CNOT2: variants seen among roughly 807,000 people sequenced by gnomAD.
CNOT2 encodes the protein CC chemokine receptor 4-negative regulator of transcription 2.
Under a neutral mutation model 72.1 loss-of-function variants are expected in CNOT2, and 7 were observed. The ratio of observed to expected loss-of-function variants is 0.10; its 90% CI spans 0.06 to 0.18. The LOEUF is 0.18. Among genes scored for constraint, CNOT2 ranks in the 10% least tolerant of loss-of-function variants. The pLI is 1.00. For synonymous variants in CNOT2, 196 were observed against 225.6 expected, an observed-to-expected ratio of 0.87 and a Z score of 1.17; for missense variants, 345 against 660.3, an observed-to-expected ratio of 0.52 and a Z score of 5.23.
intron 11 of CNOT2, among the ~76,000 whole-genome samples, chr12:70,340,167 C>T (rs1008956394): frequency 6.6e-6 from 1 of 152,178 alleles, no homozygotes; most frequent in Admixed American, 6.5e-5. Flanking sequence ...GTCCCTGCCA[C>T]TTCACTAAAG....
chr12:70,250,432 A>G (rs1378051129), intron 1 of CNOT2, among the ~76,000 whole-genome samples: 1 of 152,120 alleles, frequency 6.6e-6, no homozygotes, highest in Non-Finnish European at 1.5e-5. Context: ...TAAATCCTTT[A>G]GTAATATGAG....
chr12:70,266,512 T>A (rs11837952), intron 1 of CNOT2, among the ~76,000 whole-genome samples: 1 of 152,106 alleles, frequency 6.6e-6, no homozygotes, highest in African/African-American at 2.4e-5. Context: ...TTTTGTTTAC[T>A]TGCTTTATAA....
At chr12:70,260,746 TATA>T (rs1422920700) in intron 1 of CNOT2, among the ~76,000 whole-genome samples, 1 of 152,158 alleles carries the variant, frequency 6.6e-6, no homozygotes, top group Non-Finnish European at 1.5e-5. Flanking sequence ...TTTATGTGTT[TATA>T]ATAATCTTTT....
At chr12:70,312,687 C>T (rs1876672672) in intron 3 of CNOT2, among the ~76,000 whole-genome samples, 1 of 151,862 alleles carries the variant, frequency 6.6e-6, no homozygotes, top group Non-Finnish European at 1.5e-5. Flanking sequence ...AACTTGGACT[C>T]TAAAGCAATA....
chr12:70,284,410 A>G (rs139734669), intron 2 of CNOT2, among the ~76,000 whole-genome samples: 5 of 150,328 alleles, frequency 3.3e-5, no homozygotes, highest in African/African-American at 7.4e-5. Flanking sequence ...ACATCCGACT[A>G]ATTTTTGTAT....
chr12:70,332,494 T>G (rs1880107970), intron 6 of CNOT2: 2 of 275,246 alleles, frequency 7.3e-6, no homozygotes, highest in Non-Finnish European at 1.2e-5. Flanking sequence ...AATGGTGCCC[T>G]GAATCTGTTT....
chr12:70,327,182 T>A (rs12296420), intron 4 of CNOT2, among the ~76,000 whole-genome samples: 2,052 of 151,826 alleles, frequency 0.014, 46 homozygotes, highest in African/African-American at 0.046. Context: ...TGTATGTTTG[T>A]TTATGGTGGT....
chr12:70,305,339 A>G (rs1875074779), intron 2 of CNOT2, among the ~76,000 whole-genome samples: 1 of 152,106 alleles, frequency 6.6e-6, no homozygotes, highest in Non-Finnish European at 1.5e-5. Flanking sequence ...ATTCACAATC[A>G]TGAGAACAGC....
rs1262144980 is a variant in CNOT2 at position 70,336,981 on chromosome 12, C to T, written c.776-408C>T. The T allele has an allele frequency of 1.9e-5, 3 of 156,058 alleles. No individual in the cohort carries two copies. The South Asian group carries it at 5.7e-4, about 30-fold the overall frequency. 9.7% of individuals were successfully genotyped at this position (156,058 alleles called of 1,614,324 possible). The stretch of plus-strand genomic sequence containing the variant: ...ATTGCAATTTGCTCACTCTGTAAGT[C>T]GCTTTCAAGTAGAATACTGACATAT... On this transcript the variant is annotated intron_variant, in intron 8 of 15. Transcript: ENST00000229195.
chr12:70,290,550 A>G (rs1419259075), intron 2 of CNOT2, among the ~76,000 whole-genome samples: 1 of 152,092 alleles, frequency 6.6e-6, no homozygotes, highest in African/African-American at 2.4e-5. Flanking sequence ...ATTGTCCTGC[A>G]CGGCCTGATA....
chr12:70,254,301 C>G (rs1022900067), intron 1 of CNOT2, among the ~76,000 whole-genome samples: 2 of 151,586 alleles, frequency 1.3e-5, no homozygotes, highest in African/African-American at 4.8e-5. Context: ...ATCTCTCTCT[C>G]AAAACACCTC....
chr12:70,351,334 T>A (rs1176967125), intron 15 of CNOT2, among the ~76,000 whole-genome samples: 1 of 152,098 alleles, frequency 6.6e-6, no homozygotes, highest in African/African-American at 2.4e-5. Flanking sequence ...ATGTATGAGG[T>A]TGTGCATGTG....
intron 9 of CNOT2, chr12:70,338,197 C>T (rs769873710): frequency 3.1e-5 from 10 of 322,108 alleles, no homozygotes; most frequent in Non-Finnish European, 5.0e-5. Flanking sequence ...GACTGAAGAT[C>T]TGAGATAAAT....
intron 11 of CNOT2, among the ~76,000 whole-genome samples, chr12:70,341,005 C>T (rs78413451): frequency 6.6e-6 from 1 of 150,702 alleles, no homozygotes; most frequent in Non-Finnish European, 1.5e-5. Context: ...AAGCGATTCT[C>T]CTGAGTAGCT....
intron 11 of CNOT2, among the ~76,000 whole-genome samples, chr12:70,341,146 A>G (rs772145684): frequency 6.6e-6 from 1 of 152,022 alleles, no homozygotes; most frequent in South Asian, 2.1e-4. Flanking sequence ...TTGGCCTTCC[A>G]GAGTATTGGA....
At chr12:70,341,982 A>C in intron 11 of CNOT2, 125 bp from the exon 12 acceptor site, 2 of 721,790 alleles carry the variant, frequency 2.8e-6, no homozygotes, top group East Asian at 5.1e-5. Context: ...TAAGTCAGTA[A>C]ACCCAAGTAA....
chr12:70,319,622 C>T (rs771470020), intron 4 of CNOT2, among the ~76,000 whole-genome samples: 2 of 151,480 alleles, frequency 1.3e-5, no homozygotes, highest in African/African-American at 2.4e-5. Flanking sequence ...AAATTTTTTG[C>T]AGTATTTTTG....
intron 15 of CNOT2, among the ~76,000 whole-genome samples, chr12:70,352,103 T>C (rs901741255): frequency 2.0e-5 from 3 of 152,126 alleles, no homozygotes; most frequent in Admixed American, 6.5e-5. Context: ...CATTTCTGGA[T>C]TGCCTTGTAA....
At chr12:70,287,048 G>A (rs1398435457) in intron 2 of CNOT2, among the ~76,000 whole-genome samples, 1 of 151,668 alleles carries the variant, frequency 6.6e-6, no homozygotes, top group Non-Finnish European at 1.5e-5. Context: ...TTTATCTGTA[G>A]GCTTTTTGGG....
Sources: gnomAD v4.1 joint callset for allele counts (sites outside exome capture counted in the v4.1 genomes callset) on GRCh38, gnomAD v4.1.1 for gene constraint, MANE v1.5 for transcripts, NCBI Gene and HGNC (gene_info 2026-07-23, HGNC 2026-07-21) for gene names.